The following CLDN14 variants were observed in gnomAD, a reference collection of about 807,000 sequenced individuals.
CLDN14 encodes claudin-14.
A neutral mutation model predicts 2.1 loss-of-function variants in CLDN14; 2 were observed. That is an observed-to-expected ratio of 0.96 (90% CI 0.39 to 3.01). CLDN14 has a LOEUF of 3.01. Among genes scored for constraint, CLDN14 ranks in the 30% most tolerant of loss-of-function variants. The pLI is 0.09. For synonymous variants in CLDN14, 136 were observed against 154.4 expected (o/e 0.88, Z 0.88); for missense variants, 298 against 328.0 (o/e 0.91, Z 0.71).
upstream of CLDN14, among the ~76,000 whole-genome samples, chr21:36,482,026 G>C (rs924838041): frequency 6.6e-6 from 1 of 152,072 alleles, no homozygotes; most frequent in Non-Finnish European, 1.5e-5. Context: ...TCCCTGAGTG[G>C]GCAGGGAACT....
chr21:36,472,916 A>G (rs1216627694), intron 1 of CLDN14, among the ~76,000 whole-genome samples: 1 of 152,220 alleles, frequency 6.6e-6, no homozygotes, highest in African/African-American at 2.4e-5. Flanking sequence ...ATCGGGGCTT[A>G]GGGCTCCAAC....
At chr21:36,571,235 C>T (rs765737702) in intron 1 of CLDN14, among the ~76,000 whole-genome samples, 5 of 152,172 alleles carry the variant, frequency 3.3e-5, no homozygotes, top group African/African-American at 4.8e-5. Context: ...TTAGAAACAA[C>T]TGAAGTTGGA....
intron 1 of CLDN14, among the ~76,000 whole-genome samples, chr21:36,537,989 A>ATGTGTG (rs34437515): frequency 0.091 from 13,602 of 149,100 alleles, 749 homozygotes; most frequent in Middle Eastern, 0.14. Flanking sequence ...TCAAAACAAA[A>ATGTGTG]TGTGTGTGTG....
chr21:36,537,989 A>ATGTGTGTGTGTG (rs34437515), intron 1 of CLDN14, among the ~76,000 whole-genome samples: 9 of 149,074 alleles, frequency 6.0e-5, no homozygotes, highest in African/African-American at 1.2e-4. Context: ...TCAAAACAAA[A>ATGTGTGTGTGTG]TGTGTGTGTG....
chr21:36,462,128 A>G (rs2086585927), intron 1 of CLDN14, among the ~76,000 whole-genome samples: 1 of 152,208 alleles, frequency 6.6e-6, no homozygotes, highest in Admixed American at 6.5e-5. Context: ...AACATGTATT[A>G]TTCATGCCTT....
chr21:36,534,642 G>A (rs1018103015), intron 1 of CLDN14, among the ~76,000 whole-genome samples: 1 of 152,082 alleles, frequency 6.6e-6, no homozygotes, highest in African/African-American at 2.4e-5. Context: ...TCAGCGAGGC[G>A]CACACCTGGC....
intron 1 of CLDN14, among the ~76,000 whole-genome samples, chr21:36,464,432 C>T (rs1471989554): frequency 6.6e-6 from 1 of 152,170 alleles, no homozygotes; most frequent in Non-Finnish European, 1.5e-5. Flanking sequence ...TGTTCACAGC[C>T]CAGAATTTGC....
chr21:36,481,615 G>A (rs768193094), upstream of CLDN14, among the ~76,000 whole-genome samples: 12 of 152,176 alleles, frequency 7.9e-5, no homozygotes, highest in Non-Finnish European at 1.8e-4. Flanking sequence ...GACAGTGAAT[G>A]AAATGGACGT....
intron 1 of CLDN14, among the ~76,000 whole-genome samples, chr21:36,536,936 A>T (rs932728911): frequency 5.9e-5 from 9 of 152,214 alleles, no homozygotes; most frequent in Non-Finnish European, 1.3e-4. Context: ...CACACCTGTA[A>T]TCCCAGCACT....
At chr21:36,508,049 G>T (rs7281847) in intron 2 of CLDN14, among the ~76,000 whole-genome samples, 8,369 of 152,222 alleles carry the variant, frequency 0.055, 469 homozygotes, top group African/African-American at 0.14. Flanking sequence ...CAGCCAGGGA[G>T]AGCTGGGGAA....
chr21:36,491,886 G>A (rs925831471), intron 2 of CLDN14, among the ~76,000 whole-genome samples: 160 of 152,296 alleles, frequency 1.1e-3, no homozygotes, highest in African/African-American at 3.7e-3. Flanking sequence ...AGTAAGAACA[G>A]TATCATGATG....
chr21:36,560,006 C>T (rs2087622770), intron 1 of CLDN14, among the ~76,000 whole-genome samples: 1 of 152,100 alleles, frequency 6.6e-6, no homozygotes, highest in Non-Finnish European at 1.5e-5. Context: ...GAGGCAGGAA[C>T]GTTCATGGAA....
At chr21:36,471,859 A>C (rs1360573594) in intron 1 of CLDN14, among the ~76,000 whole-genome samples, 2 of 152,258 alleles carry the variant, frequency 1.3e-5, no homozygotes, top group African/African-American at 4.8e-5. Context: ...AAATGAAAAC[A>C]TAAGGCTAAG....
Position 36,461,137 on chromosome 21 carries a change from C to A in CLDN14, c.559G>T (p.Asp187Tyr), listed in dbSNP as rs375904468. Residue 187 changes from aspartate to tyrosine, a missense_variant, in exon 2 of 2, where the codon GAC becomes TAC. Transcript: ENST00000399135. ...TGGTAGGGCCTGTAGGGTGCCTCGT[C>A]CTGGCAGGACAGGCAAAGCAGGGTG... ...GGTLLCLSCQ[D>Y]EAPYRPYQAP... 3.1e-5 allele frequency: 50 copies of A among 1,613,774 alleles called. No individual in the cohort carries two copies. In the African/African-American group the frequency reaches 5.7e-4, roughly 19 times the overall value.
At chr21:36,530,998 A>T (rs925100017) in intron 1 of CLDN14, among the ~76,000 whole-genome samples, 2 of 152,204 alleles carry the variant, frequency 1.3e-5, no homozygotes, top group African/African-American at 4.8e-5. Context: ...CGGGAAGCCC[A>T]GATGGGCAGA....
chr21:36,465,525 A>C (rs991859203), intron 1 of CLDN14, among the ~76,000 whole-genome samples: 1 of 152,220 alleles, frequency 6.6e-6, no homozygotes, highest in Non-Finnish European at 1.5e-5. Context: ...TTAGGTAATA[A>C]TTCAACTTCC....
chr21:36,546,963 C>T lies in CLDN14; in HGVS notation c.-220+29448G>A, dbSNP rs557558003. 2.4e-4 allele frequency among the ~76,000 whole-genome samples: 36 copies of T among 152,294 alleles called. No individual in the cohort carries two copies. In the South Asian group the frequency reaches 2.9e-3, roughly 12 times the overall value. ...CAACTGGGCAGGGAGGAGTGTTGCT[C>T]TTGGCATCTAGTGGGTAGAGTCAGC... is the stretch of plus-strand genomic sequence containing the variant. On this transcript the variant is annotated intron_variant, in intron 1 of 2. Transcript: ENST00000342108.
intron 2 of CLDN14, among the ~76,000 whole-genome samples, chr21:36,495,720 T>A (rs1016257520): frequency 2.6e-5 from 4 of 152,196 alleles, no homozygotes; most frequent in African/African-American, 9.6e-5. Context: ...AGAGTGTTCT[T>A]ACCCCACGAA....
At chr21:36,465,497 C>T (rs1216190991) in intron 1 of CLDN14, among the ~76,000 whole-genome samples, 1 of 152,234 alleles carries the variant, frequency 6.6e-6, no homozygotes, top group Non-Finnish European at 1.5e-5. Flanking sequence ...TCTTCCTTAC[C>T]AGCAGCTGCT....
Sources: gnomAD v4.1 joint callset for allele counts (sites outside exome capture counted in the v4.1 genomes callset) on GRCh38, gnomAD v4.1.1 for gene constraint, MANE v1.5 for transcripts, NCBI Gene and HGNC (gene_info 2026-07-23, HGNC 2026-07-21) for gene names.